REV3L: variants seen among roughly 807,000 people sequenced by gnomAD.
REV3L encodes the protein DNA polymerase zeta catalytic subunit.
In REV3L, 69 loss-of-function variants were observed where a neutral mutation model predicts 299.4. The observed-to-expected ratio is 0.23, with a 90% confidence interval of 0.19 to 0.28. REV3L has a LOEUF of 0.28. Among genes scored for constraint, REV3L ranks in the 10% least tolerant of loss-of-function variants. The probability of loss-of-function intolerance (pLI) is 1.00; values close to 1 mark genes in which losing one functional copy is unlikely to be tolerated. For synonymous variants in REV3L, 1,238 were observed against 1,271.4 expected (o/e 0.97, Z 0.56); for missense variants, 3,128 against 3,693.8 (o/e 0.85, Z 3.97).
upstream of REV3L, chr6:111,483,526 A>AG (rs1477895187): frequency 1.8e-5 from 9 of 496,168 alleles, no homozygotes; most frequent in Admixed American, 2.0e-4. Flanking sequence ...GGCTTGCGGG[A>AG]GGGGGGCGCC....
In REV3L at chr6:111,325,376, A is replaced by G. The variant is rs574727739; in HGVS notation, c.8242-2698T>C. The stretch of plus-strand genomic sequence containing the variant: ...TGAGACAGAGACATTAACCTCCACT[A>G]TTAGCTACTTTATTCTCCATATTCT... On this transcript the variant is annotated intron_variant, in intron 25 of 31. Transcript: ENST00000368802. Among the ~76,000 whole-genome samples, 38 of 152,346 alleles carry G rather than the reference A, an allele frequency of 2.5e-4. No individual in the cohort carries two copies. The South Asian group carries it at 7.5e-3, about 30-fold the overall frequency.
At chr6:111,427,313 GAA>G (rs1290448980) in intron 1 of REV3L, among the ~76,000 whole-genome samples, 3 of 151,750 alleles carry the variant, frequency 2.0e-5, no homozygotes, top group Admixed American at 6.6e-5. Flanking sequence ...TGCACAGAAT[GAA>G]AAAAAAGTTG....
intron 26 of REV3L, among the ~76,000 whole-genome samples, chr6:111,319,079 T>A (rs957013278): frequency 2.0e-5 from 3 of 152,094 alleles, no homozygotes; most frequent in African/African-American, 7.2e-5. Context: ...CTATATATTT[T>A]AATATTTTAT....
chr6:111,342,930 G>T (rs1776669305), intron 21 of REV3L, among the ~76,000 whole-genome samples: 1 of 152,130 alleles, frequency 6.6e-6, no homozygotes, highest in South Asian at 2.1e-4. Context: ...CTGAGACTGA[G>T]AAATTATCCT....
intron 1 of REV3L, chr6:111,430,663 A>G (rs1562300491): frequency 6.6e-7 from 1 of 1,518,650 alleles, no homozygotes. Flanking sequence ...AGGACTCTGG[A>G]GATGCCAAAG....
At chr6:111,314,667 T>TGCAGCCAAACCA (rs2114741047) in intron 27 of REV3L, among the ~76,000 whole-genome samples, 1 of 152,290 alleles carries the variant, frequency 6.6e-6, no homozygotes, top group South Asian at 2.1e-4. Context: ...AGTTGCACCC[T>TGCAGCCAAACCA]GTCTGCATTC....
intron 2 of REV3L, among the ~76,000 whole-genome samples, chr6:111,413,315 G>A (rs1311390952): frequency 6.6e-6 from 1 of 152,144 alleles, no homozygotes; most frequent in Non-Finnish European, 1.5e-5. Context: ...GGAGGAGTAT[G>A]AAAGCAGATG....
intron 1 of REV3L, among the ~76,000 whole-genome samples, chr6:111,418,026 T>C (rs889950163): frequency 6.6e-6 from 1 of 152,244 alleles, no homozygotes; most frequent in Admixed American, 6.5e-5. Flanking sequence ...TGAGTCTTAA[T>C]AGATTTAATC....
chr6:111,444,727 G>C (rs1011619923), intron 1 of REV3L, among the ~76,000 whole-genome samples: 1 of 152,128 alleles, frequency 6.6e-6, no homozygotes, highest in Admixed American at 6.5e-5. Context: ...TGCCTAACGG[G>C]TTAGTTGCTT....
chr6:111,423,711 T>TC (rs1785841673), intron 1 of REV3L, among the ~76,000 whole-genome samples: 1 of 152,022 alleles, frequency 6.6e-6, no homozygotes, highest in African/African-American at 2.4e-5. Flanking sequence ...AGGAATTCAG[T>TC]CGAGATGTCA....
intron 1 of REV3L, among the ~76,000 whole-genome samples, chr6:111,450,880 C>A (rs78208669): frequency 0.031 from 4,687 of 152,272 alleles, 223 homozygotes; most frequent in African/African-American, 0.11. Context: ...ACCAACCAGT[C>A]TGTGTTATGC....
intron 24 of REV3L, chr6:111,330,412 G>A: frequency 1.8e-5 from 7 of 397,538 alleles, no homozygotes; most frequent in South Asian, 1.0e-4. Flanking sequence ...GAGAACTCCA[G>A]TAGGAATGAA....
At chr6:111,338,642 G>A (rs1776184228) in intron 21 of REV3L, among the ~76,000 whole-genome samples, 4 of 151,890 alleles carry the variant, frequency 2.6e-5, no homozygotes, top group Admixed American at 1.3e-4. Context: ...GGGCAAAAAT[G>A]GTGAAAGTAA....
chr6:111,409,437 G>C (rs780388224), intron 3 of REV3L, among the ~76,000 whole-genome samples: 1 of 151,026 alleles, frequency 6.6e-6, no homozygotes, highest in Non-Finnish European at 1.5e-5. Context: ...ACCCTGATTT[G>C]AGACAAGGTG....
Position 111,335,607 on chromosome 6 carries a change from C to G in REV3L, c.7542G>C (p.Trp2514Cys), listed in dbSNP as rs376041893. 1 of 1,606,816 alleles carries G rather than the reference C, an allele frequency of 6.2e-7. No homozygotes were observed. The highest frequency in any genetic ancestry group is 8.5e-7 in the Non-Finnish European group (1 of 1,177,072). Reference protein sequence around the residue: ...WFDNKTDLYRWKMVDHYVSRV... With the variant: ...WFDNKTDLYRCKMVDHYVSRV... ...GGCTAACATAATGATCAACCATTTT[C>G]CATCTGTTAAAAAAGAATCCACATT... Residue 2514 changes from tryptophan (W) to cysteine (C), a missense_variant, in exon 22 of 32, where the codon TGG becomes TGC. Physicochemically the swap from Trp to Cys is radical, Grantham distance 215. Coordinates refer to ENST00000368802, the MANE Select transcript of REV3L (RefSeq NM_001372078.1).
At chr6:111,357,474 C>A (rs781299872) in intron 17 of REV3L, among the ~76,000 whole-genome samples, 1 of 152,062 alleles carries the variant, frequency 6.6e-6, no homozygotes, top group Non-Finnish European at 1.5e-5. Context: ...AGGCGGATCA[C>A]GAGGTCAGGA....
intron 1 of REV3L, among the ~76,000 whole-genome samples, chr6:111,418,263 T>C (rs544994637): frequency 1.3e-5 from 2 of 152,342 alleles, no homozygotes; most frequent in Admixed American, 1.3e-4. Flanking sequence ...AGCAATACTG[T>C]AAATTCCTAA....
At position 111,299,655 on chromosome 6, in the gene REV3L, T is replaced by A. The variant is rs1197609436; in HGVS notation, c.*361A>T. ...AGTAACACGTCTTGATACAGACAGT[T>A]CAAGGAAAACACACAAATGCTTTTT... On this transcript the variant is annotated 3_prime_UTR_variant, in exon 32 of 32. Coordinates refer to ENST00000368802, the MANE Select transcript of REV3L (RefSeq NM_001372078.1). 1 of 159,938 alleles carries A rather than the reference T, an allele frequency of 6.3e-6. No individual in the cohort carries two copies. Among genetic ancestry groups the A allele is most frequent in the Non-Finnish European group, 1.4e-5 (1 of 73,164 alleles). 9.9% of individuals were successfully genotyped at this position (159,938 alleles called of 1,614,324 possible). A position where few individuals can be genotyped will look rare whatever the true frequency, so the allele number is the denominator to read the frequency against.
At chr6:111,395,475 T>G (rs900239911) in intron 4 of REV3L, among the ~76,000 whole-genome samples, 1 of 152,302 alleles carries the variant, frequency 6.6e-6, no homozygotes, top group African/African-American at 2.4e-5. Flanking sequence ...CCTTAATAAA[T>G]GGGATTGTGT....
Sources: allele counts gnomAD v4.1 joint callset (sites outside exome capture counted in the v4.1 genomes callset), GRCh38; gene constraint gnomAD v4.1.1; transcripts MANE v1.5; gene names NCBI Gene and HGNC (gene_info 2026-07-23, HGNC 2026-07-21).